MAGI1: variants seen among roughly 807,000 people sequenced by gnomAD.
MAGI1 encodes the protein membrane-associated guanylate kinase, WW and PDZ domain-containing protein 1.
Under a neutral mutation model 139.9 loss-of-function variants are expected in MAGI1, and 58 were observed. The observed-to-expected ratio is 0.41, with a 90% CI of 0.34 to 0.52. The LOEUF is 0.52. MAGI1 is among the 20% of genes least tolerant of loss of function. The probability of loss-of-function intolerance (pLI) is 0.12; values close to 1 mark genes in which losing one functional copy is unlikely to be tolerated. For synonymous variants in MAGI1, 812 were observed against 737.9 expected (o/e 1.10, Z -1.63); for missense variants, 1,874 against 1,901.6 (o/e 0.99, Z 0.27).
intron 1 of MAGI1, among the ~76,000 whole-genome samples, chr3:65,665,502 C>CA (rs2086456639): frequency 6.6e-6 from 1 of 152,128 alleles, no homozygotes; most frequent in Non-Finnish European, 1.5e-5. Context: ...AGAAATACTG[C>CA]ATATGTGATT....
intron 6 of MAGI1, among the ~76,000 whole-genome samples, chr3:65,451,855 C>A (rs1949050489): frequency 6.6e-6 from 1 of 151,988 alleles, no homozygotes; most frequent in Non-Finnish European, 1.5e-5. Flanking sequence ...ACTACATTGC[C>A]CAGGCTGGTC....
intron 12 of MAGI1, among the ~76,000 whole-genome samples, chr3:65,403,274 CAG>C (rs1004682277): frequency 6.6e-6 from 1 of 152,096 alleles, no homozygotes; most frequent in African/African-American, 2.4e-5. Flanking sequence ...TTACATCATT[CAG>C]AAAGGAAGTG....
chr3:65,730,587 G>A (rs985411649), intron 1 of MAGI1, among the ~76,000 whole-genome samples: 1 of 152,148 alleles, frequency 6.6e-6, no homozygotes, highest in Non-Finnish European at 1.5e-5. Flanking sequence ...TAGACCAACT[G>A]TGATTCACGA....
intron 1 of MAGI1, among the ~76,000 whole-genome samples, chr3:65,998,909 A>G (rs2066597838): frequency 6.6e-6 from 1 of 152,190 alleles, no homozygotes; most frequent in African/African-American, 2.4e-5. Context: ...AAGTAGTTTA[A>G]CAGTTCACTT....
chr3:65,649,518 CT>C (rs1173604830), intron 1 of MAGI1, among the ~76,000 whole-genome samples: 2 of 152,146 alleles, frequency 1.3e-5, no homozygotes, highest in East Asian at 3.9e-4. Flanking sequence ...AAATTAACAA[CT>C]TTTTTTCCTG....
At chr3:65,567,830 T>C (rs777245519) in intron 2 of MAGI1, among the ~76,000 whole-genome samples, 4 of 152,080 alleles carry the variant, frequency 2.6e-5, no homozygotes, top group East Asian at 1.9e-4. Context: ...ATGGAGACTC[T>C]TTCTCCAAAA....
chr3:65,798,334 AAC>A (rs1229390148), intron 1 of MAGI1, among the ~76,000 whole-genome samples: 6 of 151,946 alleles, frequency 3.9e-5, no homozygotes, highest in South Asian at 2.1e-4. Flanking sequence ...CAAACAAACA[AAC>A]ACAGCCTCAG....
intron 2 of MAGI1, among the ~76,000 whole-genome samples, chr3:65,540,120 A>T (rs2079141150): frequency 6.6e-6 from 1 of 152,190 alleles, no homozygotes; most frequent in African/African-American, 2.4e-5. Context: ...AAAGTCACAA[A>T]CCACATACAA....
At chr3:65,718,419 G>A (rs890900468) in intron 1 of MAGI1, 2 of 152,134 alleles carry the variant, frequency 1.3e-5, no homozygotes, top group Non-Finnish European at 2.9e-5. Context: ...ATATACATTT[G>A]AGAACAGAAA....
chr3:65,896,775 T>C (rs1476394501), intron 1 of MAGI1, among the ~76,000 whole-genome samples: 1 of 152,148 alleles, frequency 6.6e-6, no homozygotes, highest in Non-Finnish European at 1.5e-5. Flanking sequence ...TTTAAAATGA[T>C]AGTGTAAAAG....
At chr3:65,662,657 T>C (rs1280349459) in intron 1 of MAGI1, among the ~76,000 whole-genome samples, 3 of 152,222 alleles carry the variant, frequency 2.0e-5, no homozygotes, top group African/African-American at 7.2e-5. Context: ...CTGATTATTA[T>C]AGTCAAACAA....
chr3:65,432,573 T>C (rs768949740), intron 10 of MAGI1, among the ~76,000 whole-genome samples: 3 of 152,182 alleles, frequency 2.0e-5, no homozygotes, highest in South Asian at 2.1e-4. Context: ...CCAAAGCTTA[T>C]TGGAAGGTTG....
intron 1 of MAGI1, among the ~76,000 whole-genome samples, chr3:65,657,646 C>T (rs896216451): frequency 4.6e-5 from 7 of 152,200 alleles, no homozygotes; most frequent in South Asian, 2.1e-4. Context: ...GACAACATCA[C>T]GAAAGTTTAA....
intron 2 of MAGI1, among the ~76,000 whole-genome samples, chr3:65,546,459 C>G (rs1041062526): frequency 1.3e-5 from 2 of 152,148 alleles, no homozygotes; most frequent in Non-Finnish European, 2.9e-5. Context: ...TTGCAGCACC[C>G]TCTTCTTTTA....
chr3:65,611,238 C>T (rs2083080803), intron 2 of MAGI1, among the ~76,000 whole-genome samples: 1 of 139,088 alleles, frequency 7.2e-6, no homozygotes, highest in Non-Finnish European at 1.5e-5. Flanking sequence ...ATAGTATATA[C>T]TATATATACT....
chr3:65,928,424 G>T (rs1035387688), intron 1 of MAGI1, among the ~76,000 whole-genome samples: 2 of 152,180 alleles, frequency 1.3e-5, no homozygotes, highest in Non-Finnish European at 2.9e-5. Flanking sequence ...TTCAGATATT[G>T]AACTGGTACC....
At chr3:65,463,496 C>T (rs775252488) in intron 5 of MAGI1, among the ~76,000 whole-genome samples, 17 of 151,362 alleles carry the variant, frequency 1.1e-4, no homozygotes, top group Non-Finnish European at 1.8e-4. Flanking sequence ...CTGCTGGATT[C>T]GGTTTGCCAG....
chr3:65,896,633 C>T (rs1335930016), intron 1 of MAGI1, among the ~76,000 whole-genome samples: 1 of 152,078 alleles, frequency 6.6e-6, no homozygotes, highest in Non-Finnish European at 1.5e-5. Flanking sequence ...TATGATTGTG[C>T]CACTGCACTC....
At chr3:65,407,965 C>G (rs577411481) in intron 12 of MAGI1, among the ~76,000 whole-genome samples, 1 of 152,238 alleles carries the variant, frequency 6.6e-6, no homozygotes, top group South Asian at 2.1e-4. Flanking sequence ...AGTGTTTATG[C>G]TCCTAAATTA....
Sources: gnomAD v4.1 joint callset for allele counts (sites outside exome capture counted in the v4.1 genomes callset) on GRCh38, gnomAD v4.1.1 for gene constraint, MANE v1.5 for transcripts, NCBI Gene and HGNC (gene_info 2026-07-23, HGNC 2026-07-21) for gene names.